The following ANKRD12 variants were observed in gnomAD, a reference collection of about 807,000 sequenced individuals.
The protein encoded by ANKRD12 is ankyrin repeat domain 12.
Under a neutral mutation model 183.4 loss-of-function variants are expected in ANKRD12, and 85 were observed. That is an observed-to-expected ratio of 0.46 (90% CI 0.39 to 0.56). ANKRD12 has a LOEUF of 0.56. Among genes scored for constraint, ANKRD12 ranks in the 20% least tolerant of loss-of-function variants. The pLI is 0.00. For missense variants in ANKRD12, 2,405 were observed against 2,357.1 expected, an observed-to-expected ratio of 1.02 and a Z score of -0.42; for synonymous variants, 914 against 800.2, an observed-to-expected ratio of 1.14 and a Z score of -2.40.
intron 1 of ANKRD12, chr18:9,137,583 G>T (rs56046470): frequency 0.52 from 78,058 of 150,804 alleles, 22,594 homozygotes; most frequent in South Asian, 0.75. Flanking sequence ...GGCCGGGAGC[G>T]TCGGAGGTAC....
chr18:9,233,325 T>G lies in ANKRD12; in HGVS notation c.943+11326T>G, dbSNP rs145398666. Among the ~76,000 whole-genome samples the G allele has an allele frequency of 5.6e-3, 854 of 152,230 alleles. 8 individuals are homozygous for G. Among genetic ancestry groups the G allele is most frequent in the African/African-American group, 0.019 (798 of 41,524 alleles). Reference sequence around the variant, plus strand: ...TTTCTCATTCCTATCTTGAATGGTTTTTCTGATTTCTTTGTATTGTCTTTG... The same window carrying G: ...TTTCTCATTCCTATCTTGAATGGTTGTTCTGATTTCTTTGTATTGTCTTTG... On this transcript the variant is annotated intron_variant, in intron 8 of 12. Transcript: ENST00000262126.
chr18:9,246,877 G>C (rs1236142471), intron 8 of ANKRD12, among the ~76,000 whole-genome samples: 7 of 152,064 alleles, frequency 4.6e-5, no homozygotes, highest in Admixed American at 1.3e-4. Context: ...CTAGATTACT[G>C]ATCTTTTACA....
intron 8 of ANKRD12, among the ~76,000 whole-genome samples, chr18:9,244,620 G>A (rs1424186575): frequency 1.3e-5 from 2 of 152,190 alleles, no homozygotes; most frequent in Admixed American, 1.3e-4. Flanking sequence ...GTATGATTTC[G>A]ATTCTGAGAG....
At chr18:9,153,669 A>G (rs1034567231) in intron 1 of ANKRD12, among the ~76,000 whole-genome samples, 1 of 151,954 alleles carries the variant, frequency 6.6e-6, no homozygotes, top group Non-Finnish European at 1.5e-5. Context: ...TTATGGAAAA[A>G]TTATTGGTCA....
intron 7 of ANKRD12, among the ~76,000 whole-genome samples, chr18:9,217,411 T>TA (rs2036171818): frequency 6.6e-6 from 1 of 152,134 alleles, no homozygotes. Context: ...CTAAAATTGA[T>TA]ATTTCAAAGG....
chr18:9,139,638 G>A (rs773299418), intron 1 of ANKRD12, among the ~76,000 whole-genome samples: 5 of 152,124 alleles, frequency 3.3e-5, no homozygotes, highest in Non-Finnish European at 7.4e-5. Flanking sequence ...TTAAAGTAAC[G>A]TGTATCAGAT....
intron 8 of ANKRD12, among the ~76,000 whole-genome samples, chr18:9,240,796 G>C (rs75120159): frequency 0.02 from 3,048 of 152,278 alleles, 47 homozygotes; most frequent in Middle Eastern, 0.048. Flanking sequence ...TAGGAGACTT[G>C]AAATTACAGT....
chr18:9,247,522 T>C (rs936477452), intron 8 of ANKRD12, among the ~76,000 whole-genome samples: 2 of 152,170 alleles, frequency 1.3e-5, no homozygotes, highest in African/African-American at 4.8e-5. Context: ...TAATTGTGAT[T>C]AAGTGTACTA....
chr18:9,207,704 T>G (rs1447322564), intron 4 of ANKRD12, among the ~76,000 whole-genome samples: 2 of 152,120 alleles, frequency 1.3e-5, no homozygotes, highest in African/African-American at 4.8e-5. Flanking sequence ...TTATTTTACT[T>G]ATTTATTTTT....
chr18:9,169,948 A>G (rs1043598410), intron 1 of ANKRD12, among the ~76,000 whole-genome samples: 4 of 152,116 alleles, frequency 2.6e-5, no homozygotes, highest in Non-Finnish European at 4.4e-5. Context: ...TCTGTAAAGT[A>G]TTTTATTTCT....
intron 1 of ANKRD12, among the ~76,000 whole-genome samples, chr18:9,175,353 T>C (rs1340828740): frequency 2.0e-5 from 3 of 152,022 alleles, no homozygotes; most frequent in African/African-American, 7.2e-5. Context: ...CTAGAGGTGT[T>C]TTTTTCTCTC....
intron 7 of ANKRD12, among the ~76,000 whole-genome samples, chr18:9,221,558 T>C (rs1278059822): frequency 6.6e-6 from 1 of 152,128 alleles, no homozygotes; most frequent in Non-Finnish European, 1.5e-5. Flanking sequence ...AGGTTCTCAA[T>C]AAATATTTGA....
intron 10 of ANKRD12, among the ~76,000 whole-genome samples, chr18:9,265,770 A>C (rs1033744595): frequency 2.0e-5 from 3 of 152,246 alleles, no homozygotes; most frequent in Non-Finnish European, 2.9e-5. Context: ...AGCTGGACGG[A>C]TAATGACTTT....
intron 1 of ANKRD12, among the ~76,000 whole-genome samples, chr18:9,165,802 T>C (rs2031984238): frequency 6.6e-6 from 1 of 151,844 alleles, no homozygotes; most frequent in Non-Finnish European, 1.5e-5. Flanking sequence ...ATGTGCCATG[T>C]TGGTGTGCTG....
intron 2 of ANKRD12, 111 bp from the exon 3 acceptor site, chr18:9,195,440 A>C: frequency 1.5e-6 from 1 of 671,108 alleles, no homozygotes; most frequent in Non-Finnish European, 2.2e-6. Context: ...GAATACAGTG[A>C]TAGGTAATAC....
At chr18:9,167,219 T>A (rs2032171818) in intron 1 of ANKRD12, among the ~76,000 whole-genome samples, 1 of 151,798 alleles carries the variant, frequency 6.6e-6, no homozygotes, top group Non-Finnish European at 1.5e-5. Context: ...TGGTTCCATA[T>A]GAACTTTAAA....
intron 1 of ANKRD12, among the ~76,000 whole-genome samples, chr18:9,181,521 A>AGCCCAGTGCTGTGCATTAGCCCAGT (rs1184043464): frequency 6.6e-6 from 1 of 152,222 alleles, no homozygotes. Context: ...CTTGGCCAGC[A>AGCCCAGTGCTGTGCATTAGCCCAGT]GCCTCAATCT....
chr18:9,160,660 A>AC (rs1344248685), intron 1 of ANKRD12, among the ~76,000 whole-genome samples: 2 of 152,216 alleles, frequency 1.3e-5, no homozygotes, highest in Non-Finnish European at 2.9e-5. Flanking sequence ...AGGGATCTGT[A>AC]TCTTTTTTAA....
At chr18:9,242,071 AAAAT>A (rs773510837) in intron 8 of ANKRD12, among the ~76,000 whole-genome samples, 1 of 152,106 alleles carries the variant, frequency 6.6e-6, no homozygotes, top group African/African-American at 2.4e-5. Flanking sequence ...ACATATCAGA[AAAAT>A]AAATGGCAAA....
Sources: gnomAD v4.1 joint callset for allele counts (sites outside exome capture counted in the v4.1 genomes callset) on GRCh38, gnomAD v4.1.1 for gene constraint, MANE v1.5 for transcripts, NCBI Gene and HGNC (gene_info 2026-07-23, HGNC 2026-07-21) for gene names.